Variants in SMCO4 observed in about 807,000 individuals in gnomAD.
SMCO4 encodes single-pass membrane and coiled-coil domain-containing protein 4.
In SMCO4, 4 loss-of-function variants were observed where a neutral mutation model predicts 3.6. That is an observed-to-expected ratio of 1.11 (90% CI 0.54 to 2.53). SMCO4 has a LOEUF of 2.53. SMCO4 is among the 30% of genes most tolerant of loss of function. The pLI is 0.02. For missense variants in SMCO4, 70 were observed against 80.8 expected (o/e 0.87, Z 0.51); for synonymous variants, 36 against 35.3 (o/e 1.02, Z -0.07).
intron 1 of SMCO4, among the ~76,000 whole-genome samples, chr11:93,526,735 C>A (rs1204197053): frequency 1.3e-5 from 2 of 152,160 alleles, no homozygotes; most frequent in African/African-American, 2.4e-5. Flanking sequence ...TTTTTCCCTA[C>A]ATCATGACAT....
intron 1 of SMCO4, among the ~76,000 whole-genome samples, chr11:93,513,540 T>C (rs922420700): frequency 1.3e-5 from 2 of 152,074 alleles, no homozygotes; most frequent in Non-Finnish European, 2.9e-5. Flanking sequence ...CAGGACTTGG[T>C]GGATGATCAG....
chr11:93,505,903 C>A (rs1004216851), intron 1 of SMCO4, among the ~76,000 whole-genome samples: 3 of 151,520 alleles, frequency 2.0e-5, no homozygotes, highest in Non-Finnish European at 4.4e-5. Flanking sequence ...ATGAAAATAG[C>A]TAACATTTAG....
At chr11:93,484,657 T>A (rs1199622023) in intron 2 of SMCO4, among the ~76,000 whole-genome samples, 1 of 151,904 alleles carries the variant, frequency 6.6e-6, no homozygotes, top group Non-Finnish European at 1.5e-5. Flanking sequence ...GCTGTGGAGA[T>A]GTACATGAAT....
At chr11:93,518,360 T>C (rs1949028227) in intron 1 of SMCO4, among the ~76,000 whole-genome samples, 1 of 152,242 alleles carries the variant, frequency 6.6e-6, no homozygotes, top group Non-Finnish European at 1.5e-5. Context: ...TATCCACTGA[T>C]GGACACCTGG....
At chr11:93,534,765 C>A (rs1949203488) in intron 1 of SMCO4, among the ~76,000 whole-genome samples, 2 of 152,168 alleles carry the variant, frequency 1.3e-5, no homozygotes, top group Non-Finnish European at 2.9e-5. Context: ...CCACTGTGTC[C>A]ACTGGACAGC....
intron 1 of SMCO4, among the ~76,000 whole-genome samples, chr11:93,506,354 A>C (rs1948901917): frequency 6.6e-6 from 1 of 152,238 alleles, no homozygotes; most frequent in South Asian, 2.1e-4. Flanking sequence ...AATAGCAGGT[A>C]AAACAACTGG....
chr11:93,540,738 A>G (rs1046855960), intron 1 of SMCO4, among the ~76,000 whole-genome samples: 2 of 152,178 alleles, frequency 1.3e-5, no homozygotes, highest in Admixed American at 1.3e-4. Context: ...AGGGGCTCAA[A>G]TGGTGACGAT....
At chr11:93,483,039 C>T (rs1948609835) in intron 2 of SMCO4, among the ~76,000 whole-genome samples, 1 of 152,086 alleles carries the variant, frequency 6.6e-6, no homozygotes, top group Non-Finnish European at 1.5e-5. Context: ...ACAGACCTGC[C>T]TTCGAGAGGC....
intron 1 of SMCO4, among the ~76,000 whole-genome samples, chr11:93,506,269 A>G (rs72962789): frequency 0.061 from 9,257 of 152,296 alleles, 414 homozygotes; most frequent in Non-Finnish European, 0.096. Flanking sequence ...GTGTGGCCCA[A>G]GACCCTTTCT....
intron 1 of SMCO4, among the ~76,000 whole-genome samples, chr11:93,520,734 CAA>C (rs994401928): frequency 1.3e-5 from 2 of 152,232 alleles, no homozygotes; most frequent in African/African-American, 4.8e-5. Flanking sequence ...AAAGAAGGCT[CAA>C]AACTCTCCAG....
intron 1 of SMCO4, among the ~76,000 whole-genome samples, chr11:93,536,033 T>C (rs1432560410): frequency 6.6e-6 from 1 of 152,184 alleles, no homozygotes; most frequent in Non-Finnish European, 1.5e-5. Flanking sequence ...TGCATGGTTA[T>C]ATACTCCTGG....
chr11:93,535,376 A>G, intron 1 of SMCO4: 1 of 756,536 alleles, frequency 1.3e-6, no homozygotes, highest in Non-Finnish European at 2.1e-6. Context: ...CACTCTTAAC[A>G]TCTACGATCT....
chr11:93,551,191 ATGATG>A, the SMCO4 span, among the ~76,000 whole-genome samples: 85,896 of 151,500 alleles, frequency 0.57, 24,499 homozygotes, highest in Admixed American at 0.65. Flanking sequence ...AATTTTACAA[ATGATG>A]TTAAGCGTGC....
intron 1 of SMCO4, among the ~76,000 whole-genome samples, chr11:93,516,478 G>A (rs1949008556): frequency 6.6e-6 from 1 of 152,200 alleles, no homozygotes; most frequent in Non-Finnish European, 1.5e-5. Flanking sequence ...ATGACATTTA[G>A]CGCAAACGGA....
chr11:93,505,746 TTCA>T (rs1487858670), intron 1 of SMCO4, among the ~76,000 whole-genome samples: 2 of 152,144 alleles, frequency 1.3e-5, no homozygotes, highest in African/African-American at 4.8e-5. Flanking sequence ...CAGATGCCCA[TTCA>T]TCAACACTTA....
intron 2 of SMCO4, among the ~76,000 whole-genome samples, chr11:93,498,284 T>C (rs1194781534): frequency 1.3e-5 from 2 of 152,150 alleles, no homozygotes; most frequent in Non-Finnish European, 2.9e-5. Flanking sequence ...AGTAAACAGT[T>C]TGAGAAAAGG....
chr11:93,546,915 C>T (rs1388507711), upstream of SMCO4, among the ~76,000 whole-genome samples: 3 of 152,222 alleles, frequency 2.0e-5, no homozygotes, highest in East Asian at 5.8e-4. Context: ...AAGCTCTTCT[C>T]TTCTTCACAG....
intron 1 of SMCO4, among the ~76,000 whole-genome samples, chr11:93,538,772 C>T (rs1408516685): frequency 1.3e-5 from 2 of 152,316 alleles, no homozygotes; most frequent in Non-Finnish European, 2.9e-5. Flanking sequence ...AACAAGCCCC[C>T]TCTTCTCCGC....
upstream of SMCO4, among the ~76,000 whole-genome samples, chr11:93,544,317 ACTAC>A (rs1949298959): frequency 1.3e-5 from 2 of 152,324 alleles, no homozygotes; most frequent in Admixed American, 1.3e-4. Flanking sequence ...TAAAATATTG[ACTAC>A]CTTTTCACCT....
Sources: allele counts gnomAD v4.1 joint callset (sites outside exome capture counted in the v4.1 genomes callset), GRCh38; gene constraint gnomAD v4.1.1; transcripts MANE v1.5; gene names NCBI Gene and HGNC (gene_info 2026-07-23, HGNC 2026-07-21).